SLC35F2: variants seen among roughly 807,000 people sequenced by gnomAD.
SLC35F2 encodes the protein solute carrier family 35 member F2, also known as queuine/queuosine transporter SLC35F2.
SLC35F2 carries 25 observed loss-of-function variants against 38.1 expected under a neutral mutation model. That is an observed-to-expected ratio of 0.66 (90% confidence interval 0.48 to 0.92). SLC35F2 has a LOEUF of 0.92. SLC35F2 is among the 40% of genes least tolerant of loss of function. The pLI, the probability that SLC35F2 is intolerant of heterozygous loss-of-function variation, is 0.00. For synonymous variants in SLC35F2, 173 were observed against 181.7 expected, an observed-to-expected ratio of 0.95 and a Z score of 0.38; for missense variants, 409 against 452.9, an observed-to-expected ratio of 0.90 and a Z score of 0.88.
chr11:107,834,030 C>T (rs1859891544), intron 1 of SLC35F2, among the ~76,000 whole-genome samples: 1 of 152,200 alleles, frequency 6.6e-6, no homozygotes, highest in African/African-American at 2.4e-5. Context: ...GTTGTTATCT[C>T]TGTGTAAAAT....
intron 1 of SLC35F2, chr11:107,823,974 CT>C: frequency 1.0e-6 from 1 of 976,114 alleles, no homozygotes; most frequent in Non-Finnish European, 1.2e-6. Context: ...TTATAAGTAG[CT>C]TTTCTTTACA....
rs73005367 is a variant in SLC35F2 at position 107,849,121 on chromosome 11, A to G, written c.110+9537T>C. 3.5e-3 allele frequency among the ~76,000 whole-genome samples: 525 copies of G among 152,104 alleles called. 1 individual carries two copies. Among genetic ancestry groups the G allele is most frequent in the Non-Finnish European group, 5.3e-3 (358 of 67,992 alleles). Reference sequence around the variant, plus strand: ...TCTGTCAAAACAGAATAAAAAACCTATTTTTGTAGGATTGTCATGAGGATT... The same window carrying G: ...TCTGTCAAAACAGAATAAAAAACCTGTTTTTGTAGGATTGTCATGAGGATT... On this transcript the variant is annotated intron_variant, in intron 1 of 7. Transcript: ENST00000525815.
At chr11:107,825,111 T>C (rs1859732961) in intron 1 of SLC35F2, among the ~76,000 whole-genome samples, 2 of 152,230 alleles carry the variant, frequency 1.3e-5, no homozygotes, top group Admixed American at 6.5e-5. Flanking sequence ...ATGGAAATGT[T>C]TGAAAAGTAG....
chr11:107,829,404 G>A (rs993563367), intron 1 of SLC35F2, among the ~76,000 whole-genome samples: 56 of 150,520 alleles, frequency 3.7e-4, no homozygotes, highest in African/African-American at 1.3e-3. Context: ...GGGTGACAGA[G>A]TGAGACTACA....
chr11:107,853,737 A>AAGAAAATAAAAGATAAAAGAT (rs1860230178), intron 1 of SLC35F2, among the ~76,000 whole-genome samples: 2 of 149,842 alleles, frequency 1.3e-5, no homozygotes, highest in African/African-American at 4.9e-5. Flanking sequence ...AAAAAAAAAA[A>AAGAAAATAAAAGATAAAAGAT]AAAAGAAAGA....
chr11:107,855,749 A>G (rs1251542311), intron 1 of SLC35F2, among the ~76,000 whole-genome samples: 1 of 151,754 alleles, frequency 6.6e-6, no homozygotes, highest in Non-Finnish European at 1.5e-5. Flanking sequence ...GAAATCTCAT[A>G]TTTAGGAGGC....
chr11:107,804,959 G>C, intron 5 of SLC35F2, 189 bp from the exon 6 acceptor site: 1 of 810,922 alleles, frequency 1.2e-6, no homozygotes, highest in Non-Finnish European at 1.5e-6. Flanking sequence ...ATAAAGATAT[G>C]TTTGACTCCC....
At chr11:107,797,520 G>A (rs922801251) in intron 7 of SLC35F2, among the ~76,000 whole-genome samples, 12 of 151,714 alleles carry the variant, frequency 7.9e-5, no homozygotes, top group South Asian at 4.2e-4. Flanking sequence ...AGACCCTATC[G>A]CTAAAAAGAA....
In SLC35F2 at chr11:107,815,928, A is replaced by G. The variant is rs772922133; in HGVS notation, c.148T>C (p.Ser50Pro). 2 of 1,613,228 alleles carry G rather than the reference A, an allele frequency of 1.2e-6. No individual in the cohort carries two copies. Among genetic ancestry groups the G allele is most frequent in the East Asian group, 2.2e-5 (1 of 44,866 alleles). Residue 50 changes from serine (S) to proline (P), a missense_variant, in exon 2 of 8, where the codon TCC (serine) becomes CCC (proline). By Grantham distance (74) the Ser-to-Pro change is moderately conservative. Transcript: ENST00000525815. ...LKTIALGQML[S>P]LCICGTAITS... ...ATGGCTGTCCCACATATACACAAGG[A>G]CAACATCTGACCCAGGGCAATTGTT...
chr11:107,844,920 G>A (rs1860080192), intron 1 of SLC35F2, among the ~76,000 whole-genome samples: 1 of 149,756 alleles, frequency 6.7e-6, no homozygotes, highest in Non-Finnish European at 1.5e-5. Flanking sequence ...AGCTTGCAGT[G>A]AGCCGAGATC....
At chr11:107,858,476 C>G in intron 1 of SLC35F2, 182 bp downstream of exon 1, 1 of 472,384 alleles carries the variant, frequency 2.1e-6, no homozygotes, top group Non-Finnish European at 3.5e-6. Context: ...AAGTGCTTCC[C>G]GACGCCAGGT....
chr11:107,830,226 A>G (rs539850305), intron 1 of SLC35F2, among the ~76,000 whole-genome samples: 7 of 152,304 alleles, frequency 4.6e-5, no homozygotes, highest in Non-Finnish European at 8.8e-5. Context: ...TTGACAACTA[A>G]ATCTTTGCAA....
chr11:107,857,678 A>T (rs892495214), intron 1 of SLC35F2, among the ~76,000 whole-genome samples: 34 of 152,076 alleles, frequency 2.2e-4, no homozygotes, highest in African/African-American at 8.2e-4. Flanking sequence ...GTTAAAGGGA[A>T]ATTCGCTTTG....
intron 1 of SLC35F2, among the ~76,000 whole-genome samples, chr11:107,832,316 C>CT (rs1859857155): frequency 1.3e-5 from 2 of 152,054 alleles, no homozygotes; most frequent in Admixed American, 6.6e-5. Flanking sequence ...TCTGAATCTA[C>CT]GAGAACAAGA....
At chr11:107,827,077 A>G (rs1859763875) in intron 1 of SLC35F2, among the ~76,000 whole-genome samples, 1 of 152,130 alleles carries the variant, frequency 6.6e-6, no homozygotes, top group Admixed American at 6.6e-5. Flanking sequence ...ATTCATTGGG[A>G]TATATAGAAA....
chr11:107,858,494 A>G (rs966558939), intron 1 of SLC35F2, 164 bp downstream of exon 1: 12 of 530,286 alleles, frequency 2.3e-5, no homozygotes, highest in Non-Finnish European at 3.6e-5. Context: ...GGTGAAGCGC[A>G]CCATACCTGG....
At chr11:107,845,944 TTC>T (rs947426981) in intron 1 of SLC35F2, among the ~76,000 whole-genome samples, 2 of 144,340 alleles carry the variant, frequency 1.4e-5, no homozygotes, top group African/African-American at 5.2e-5. Flanking sequence ...CAGACTGAGA[TTC>T]TGTCATAAAT....
intron 1 of SLC35F2, chr11:107,858,409 C>A (rs1860331754): frequency 8.4e-6 from 3 of 355,320 alleles, no homozygotes; most frequent in East Asian, 8.5e-5. Context: ...GGTTTCCCCC[C>A]AAATCCTCCA....
intron 7 of SLC35F2, among the ~76,000 whole-genome samples, chr11:107,793,419 G>A (rs151014706): frequency 1.3e-5 from 2 of 152,032 alleles, no homozygotes; most frequent in African/African-American, 4.8e-5. Context: ...CCACTTAGTG[G>A]AGAAAATAAA....
Sources: allele counts gnomAD v4.1 joint callset (sites outside exome capture counted in the v4.1 genomes callset), GRCh38; gene constraint gnomAD v4.1.1; transcripts MANE v1.5; gene names NCBI Gene and HGNC (gene_info 2026-07-23, HGNC 2026-07-21).